Variants in ECD observed in about 807,000 individuals in gnomAD.
ECD encodes the protein protein ecdysoneless homolog.
A neutral mutation model predicts 77.2 loss-of-function variants in ECD; 59 were observed. The observed-to-expected ratio is 0.76, with a 90% CI of 0.62 to 0.95. The LOEUF is 0.95. Ranked by LOEUF, ECD falls within the 40% of genes least tolerant of loss-of-function variation. The pLI is 0.00. For missense variants in ECD, 704 were observed against 763.4 expected, an observed-to-expected ratio of 0.92 and a Z score of 0.92; for synonymous variants, 233 against 267.4, an observed-to-expected ratio of 0.87 and a Z score of 1.26.
chr10:73,141,640 T>C (rs1251466184), intron 9 of ECD, among the ~76,000 whole-genome samples: 1 of 152,178 alleles, frequency 6.6e-6, no homozygotes, highest in East Asian at 1.9e-4. Context: ...TTAGTGAAAG[T>C]TTATTACCTT....
chr10:73,146,348 C>T lies in ECD; in HGVS notation c.1055G>A (p.Gly352Asp). ...TAGCCTTTCCCGGTACTGAGCAGAACCTTCTATCAGTCCCTTAAAAAAAAA... is the reference window on the plus strand; with the variant it reads ...TAGCCTTTCCCGGTACTGAGCAGAATCTTCTATCAGTCCCTTAAAAAAAAA... Reference protein sequence around the residue: ...KNDYFKGLIEGSAQYRERLEM... With the variant: ...KNDYFKGLIEDSAQYRERLEM... The change falls in exon 9 of 14, where the codon GGT becomes GAT. Residue 352 changes from glycine to aspartate, a missense_variant. Physicochemically the swap from Gly to Asp is moderately conservative, Grantham distance 94. Transcript: ENST00000372979. 1 of 1,603,124 alleles carries T rather than the reference C, an allele frequency of 6.2e-7. No homozygotes were observed. The highest frequency in any genetic ancestry group is 1.1e-5 in the South Asian group (1 of 89,914).
intron 9 of ECD, among the ~76,000 whole-genome samples, chr10:73,145,656 G>A (rs908773803): frequency 2.9e-5 from 4 of 138,104 alleles, no homozygotes; most frequent in African/African-American, 2.8e-5. Flanking sequence ...ATATTGTGCA[G>A]CTTTTTTTTT....
intron 3 of ECD, among the ~76,000 whole-genome samples, chr10:73,157,431 T>C (rs891746872): frequency 2.6e-5 from 4 of 151,586 alleles, no homozygotes; most frequent in Admixed American, 2.6e-4. Flanking sequence ...GTATTAAAAG[T>C]TACATGGCCA....
At chr10:73,143,152 T>C (rs1335728864) in intron 9 of ECD, among the ~76,000 whole-genome samples, 2 of 152,174 alleles carry the variant, frequency 1.3e-5, no homozygotes, top group Admixed American at 6.5e-5. Context: ...TAAATGAATA[T>C]ATATGTATCT....
chr10:73,141,312 G>C (rs181718662), intron 9 of ECD: 69 of 148,222 alleles, frequency 4.7e-4, no homozygotes, highest in Admixed American at 2.6e-3. Context: ...GACCATCCTG[G>C]CTAACACAGT....
In ECD at chr10:73,139,467, A is replaced by G; in HGVS notation, c.1263T>C (p.Asp421=). The G allele has an allele frequency of 6.2e-7, 1 of 1,614,012 alleles. No homozygotes were observed. Among genetic ancestry groups the G allele is most frequent in the Non-Finnish European group, 8.5e-7 (1 of 1,179,992 alleles). ...DDDQWLDLSP[D]QLDQLLQEAV... ...CTTCCTGCAGCAGCTGGTCCAGCTG[A>G]TCTGGTGAGAGATCTAACCACTGGT... is the stretch of plus-strand genomic sequence containing the variant. The change falls in exon 11 of 14, where the codon GAT becomes GAC. Residue 421 remains aspartate, a synonymous_variant. Transcript: ENST00000372979.
At position 73,135,727 on chromosome 10, in the gene ECD, AAAT is replaced by A. The variant is rs373748537; in HGVS notation, c.1705-917_1705-915del. 4.0e-5 allele frequency among the ~76,000 whole-genome samples: 6 copies of A among 151,224 alleles called. No homozygotes were observed. The South Asian group carries it at 6.2e-4, about 16-fold the overall frequency. On this transcript the variant is annotated intron_variant, in intron 13 of 13. Transcript: ENST00000372979. ...CAGAGGGAGACTTCCATCTCAAATA[AAAT>A]AATAATAATAATAATAAAATAAAAC... is the stretch of plus-strand genomic sequence containing the variant.
intron 9 of ECD, among the ~76,000 whole-genome samples, chr10:73,140,553 G>A (rs1298426871): frequency 1.3e-5 from 2 of 151,804 alleles, no homozygotes; most frequent in Admixed American, 6.6e-5. Flanking sequence ...ATTGTGGCAC[G>A]TGCCTGTAAT....
At chr10:73,166,110 T>C (rs1843454926) in intron 1 of ECD, among the ~76,000 whole-genome samples, 1 of 152,144 alleles carries the variant, frequency 6.6e-6, no homozygotes, top group Non-Finnish European at 1.5e-5. Flanking sequence ...TTCCATCCAG[T>C]TCCACTTGAT....
At position 73,139,698 on chromosome 10, in the gene ECD, T is replaced by A. The variant is rs149336255; in HGVS notation, c.1167A>T (p.Leu389Phe). The A allele has an allele frequency of 6.2e-7, 1 of 1,610,274 alleles. No individual in the cohort carries two copies. The highest frequency in any genetic ancestry group is 8.5e-7 in the Non-Finnish European group (1 of 1,179,038). ...AMSPGEEILT[L>F]LQTIPFDIED... ...CTATATCAAATGGTATTGTCTGTAA[T>A]AAGGTTAAGATTTCTTCACCAGGGC... Residue 389 changes from leucine (L) to phenylalanine (F), a missense_variant, in exon 10 of 14, where the codon TTA becomes TTT. By Grantham distance (22) the Leu-to-Phe change is conservative. Transcript: ENST00000372979.
chr10:73,154,272 G>A lies in ECD; in HGVS notation c.767C>T (p.Thr256Ile). 1 of 1,604,544 alleles carries A rather than the reference G, an allele frequency of 6.2e-7. No individual in the cohort carries two copies. Among genetic ancestry groups the A allele is most frequent in the Non-Finnish European group, 8.5e-7 (1 of 1,175,528 alleles). ...AAATCTCACCGATGTCATTATTCGTGTTTCAGGCAAGAATGTCTTGAAAAC... is the reference window on the plus strand; with the variant it reads ...AAATCTCACCGATGTCATTATTCGTATTTCAGGCAAGAATGTCTTGAAAAC... The part of the protein sequence containing the change: ...CRVFKTFLPE[T>I]RIMTSVTFTK... Residue 256 changes from threonine to isoleucine, a missense_variant, in exon 6 of 14, where the codon ACA (threonine) becomes ATA (isoleucine). Thr to Ile is a moderately conservative substitution (Grantham distance 89, BLOSUM62 -1). Coordinates refer to ENST00000372979, the MANE Select transcript of ECD (RefSeq NM_007265.3).
chr10:73,165,818 C>T (rs1418473301), intron 1 of ECD, among the ~76,000 whole-genome samples: 1 of 151,986 alleles, frequency 6.6e-6, no homozygotes, highest in South Asian at 2.1e-4. Flanking sequence ...ATTTTTATAG[C>T]CAGGACATGC....
chr10:73,152,565 T>A, intron 6 of ECD, 144 bp from the exon 7 acceptor site: 1 of 934,856 alleles, frequency 1.1e-6, no homozygotes, highest in Non-Finnish European at 1.5e-6. Flanking sequence ...ATTCATTGCC[T>A]ACTTGTTTTT....
chr10:73,154,778 C>A (rs1843274179), intron 5 of ECD, among the ~76,000 whole-genome samples: 1 of 151,606 alleles, frequency 6.6e-6, no homozygotes, highest in South Asian at 2.1e-4. Context: ...ACTAAAAATA[C>A]AAAAAATTAG....
At chr10:73,162,673 T>C (rs1031174474) in intron 2 of ECD, among the ~76,000 whole-genome samples, 1 of 152,196 alleles carries the variant, frequency 6.6e-6, no homozygotes, top group African/African-American at 2.4e-5. Flanking sequence ...TATCACAAGA[T>C]GCCAGGCTCC....
At chr10:73,159,881 C>G (rs1843352554) in intron 3 of ECD, among the ~76,000 whole-genome samples, 1 of 151,248 alleles carries the variant, frequency 6.6e-6, no homozygotes, top group Non-Finnish European at 1.5e-5. Flanking sequence ...CTCAAATGAT[C>G]CGCCTGCCTC....
At chr10:73,153,876 T>C (rs962684635) in intron 6 of ECD, among the ~76,000 whole-genome samples, 1 of 152,156 alleles carries the variant, frequency 6.6e-6, no homozygotes, top group Non-Finnish European at 1.5e-5. Flanking sequence ...CGTGTATAGT[T>C]TGAGCATCCC....
At chr10:73,157,946 ATTATT>A (rs113656136) in intron 3 of ECD, among the ~76,000 whole-genome samples, 22,691 of 150,010 alleles carry the variant, frequency 0.15, 2,858 homozygotes, top group African/African-American at 0.32. Context: ...TTCTATTTTT[ATTATT>A]TTATTTTATT....
rs575015383 is a variant in ECD, at chr10:73,155,443, A to C, written c.590+832T>G. ...CACCCAAATTTGAATGGATGAACGA[A>C]TATGTAATTAGGCTAAGACCTTTCT... On this transcript the variant is annotated intron_variant, in intron 5 of 13. Coordinates refer to ENST00000372979, the MANE Select transcript of ECD (RefSeq NM_007265.3). Among the ~76,000 whole-genome samples the C allele has an allele frequency of 3.3e-5, 5 of 149,898 alleles. No homozygotes were observed. In the South Asian group the frequency reaches 1.0e-3, roughly 31 times the overall value.
Sources: allele counts gnomAD v4.1 joint callset (sites outside exome capture counted in the v4.1 genomes callset), GRCh38; gene constraint gnomAD v4.1.1; transcripts MANE v1.5; gene names NCBI Gene and HGNC (gene_info 2026-07-23, HGNC 2026-07-21).